Variants in ZNF717 observed in about 807,000 individuals in gnomAD.
The protein encoded by ZNF717 is krueppel-like factor X17.
ZNF717 carries 9 observed loss-of-function variants against 13.8 expected under a neutral mutation model. The ratio of observed to expected loss-of-function variants is 0.65; its 90% CI spans 0.39 to 1.14. ZNF717 has a LOEUF of 1.14. ZNF717 is among the 50% of genes most tolerant of loss of function. The pLI is 0.01. For synonymous variants in ZNF717, 327 were observed against 364.1 expected, an observed-to-expected ratio of 0.90 and a Z score of 1.16; for missense variants, 1,040 against 1,080.7, an observed-to-expected ratio of 0.96 and a Z score of 0.53.
chr3:75,726,710 A>G (rs1407126463), downstream of ZNF717, among the ~76,000 whole-genome samples: 1 of 152,280 alleles, frequency 6.6e-6, no homozygotes, highest in African/African-American at 2.4e-5. Context: ...GGAACTGATT[A>G]TGCAGTGATT....
At chr3:75,722,803 C>CAAAAAAAAAAAA (rs146853808) in intron 4 of ZNF717, among the ~76,000 whole-genome samples, 1 of 98,868 alleles carries the variant, frequency 1.0e-5, no homozygotes, top group African/African-American at 4.8e-5. Flanking sequence ...AACTCCATCT[C>CAAAAAAAAAAAA]AAAAAAAAAA....
downstream of ZNF717, among the ~76,000 whole-genome samples, chr3:75,709,419 C>A (rs79057659): frequency 6.6e-6 from 1 of 152,152 alleles, no homozygotes; most frequent in African/African-American, 2.4e-5. Context: ...TGTCCCCAGG[C>A]CCCACCTCCA....
rs544075559 is a variant in ZNF717, at chr3:75,756,831, C to G, written c.58-15095G>C. Reference sequence around the variant, plus strand: ...CTGGGATTACGGGCATGCGCCACCACGCCCGGCTAATGTTTTGTATTTTTA... The same window carrying G: ...CTGGGATTACGGGCATGCGCCACCAGGCCCGGCTAATGTTTTGTATTTTTA... On this transcript the variant is annotated intron_variant, in intron 2 of 4. Coordinates refer to ENST00000652011, the MANE Select transcript of ZNF717 (RefSeq NM_001290208.3). 5.9e-5 allele frequency among the ~76,000 whole-genome samples: 9 copies of G among 152,156 alleles called. No individual in the cohort carries two copies. The East Asian group carries it at 1.2e-3, about 20-fold the overall frequency.
intron 4 of ZNF717, among the ~76,000 whole-genome samples, chr3:75,740,501 G>C (rs1424723509): frequency 6.6e-6 from 1 of 151,460 alleles, no homozygotes; most frequent in Non-Finnish European, 1.5e-5. Context: ...CTGAGCTCAA[G>C]CAATCCTTCC....
At chr3:75,717,931 C>T (rs112785786) in intron 4 of ZNF717, among the ~76,000 whole-genome samples, 1 of 152,172 alleles carries the variant, frequency 6.6e-6, no homozygotes, top group African/African-American at 2.4e-5. Flanking sequence ...AGGAGCAGAA[C>T]TTAAGACAAA....
At chr3:75,785,337 A>ACCCCACGCCTGTCCTCCCAGCC (rs1945085818) in intron 1 of ZNF717, 47 bp downstream of exon 1, 1 of 153,052 alleles carries the variant, frequency 6.5e-6, no homozygotes, top group Non-Finnish European at 1.5e-5. Flanking sequence ...CACTGCCGGG[A>ACCCCACGCCTGTCCTCCCAGCC]CCCCACGCCT....
At chr3:75,783,514 A>G (rs1944959759) in intron 1 of ZNF717, 150 bp from the exon 2 acceptor site, 2 of 603,424 alleles carry the variant, frequency 3.3e-6, no homozygotes, top group Non-Finnish European at 5.9e-6. Flanking sequence ...AGAGTCCTTC[A>G]AGCCTCATTA....
At chr3:75,735,856 T>A (rs1351932411), downstream of ZNF717, 59 of 152,242 alleles carry the variant, frequency 3.9e-4, no homozygotes, top group African/African-American at 1.4e-3. Context: ...CCCATCAAAA[T>A]AGAGGCACAT....
At chr3:75,780,210 C>T (rs1439753746) in intron 2 of ZNF717, among the ~76,000 whole-genome samples, 1 of 152,062 alleles carries the variant, frequency 6.6e-6, no homozygotes, top group Middle Eastern at 3.4e-3. Flanking sequence ...CGTGCTAAAA[C>T]CGGAACCCAA....
At chr3:75,704,364 C>T (rs1165434107) in intron 6 of ZNF717, among the ~76,000 whole-genome samples, 3 of 152,298 alleles carry the variant, frequency 2.0e-5, no homozygotes, top group African/African-American at 4.8e-5. Context: ...CATGAAGGGA[C>T]GCCAAGACAA....
chr3:75,699,087 C>T (rs909440861), intron 6 of ZNF717, among the ~76,000 whole-genome samples: 629 of 143,478 alleles, frequency 4.4e-3, no homozygotes, highest in Middle Eastern at 0.019. Flanking sequence ...TTCATGGGTC[C>T]TGTGGTCCAT....
At chr3:75,770,054 T>A (rs1943770391) in intron 2 of ZNF717, among the ~76,000 whole-genome samples, 1 of 152,206 alleles carries the variant, frequency 6.6e-6, no homozygotes, top group South Asian at 2.1e-4. Flanking sequence ...TCCCACTAAC[T>A]CCTGAATGCT....
At chr3:75,707,606 G>A (rs1463784693), downstream of ZNF717, among the ~76,000 whole-genome samples, 7 of 152,354 alleles carry the variant, frequency 4.6e-5, no homozygotes, top group East Asian at 1.4e-3. Flanking sequence ...GTGGGTGCAG[G>A]ACAGTGGGTG....
rs1451870713 is a variant in ZNF717 at position 75,710,734 on chromosome 3, C to G, written n.1250G>C. On this transcript the variant is annotated non_coding_transcript_exon_variant, in exon 6 of 6. Coordinates refer to the ZNF717 transcript ENST00000491507. ...AGCTCATAGGGCTTTAGTAACAGAGCAGCTTTTGCCTTTAGTTGGAGAGTT... is the reference window on the plus strand; with the variant it reads ...AGCTCATAGGGCTTTAGTAACAGAGGAGCTTTTGCCTTTAGTTGGAGAGTT... 9 of 152,144 alleles carry G rather than the reference C, an allele frequency of 5.9e-5. No homozygotes were observed. In the East Asian group the frequency reaches 1.5e-3, roughly 26 times the overall value. The allele number at this position is 152,144 out of a possible 1,614,324, so 9.4% of individuals were successfully genotyped here.
At position 75,737,800 on chromosome 3, in the gene ZNF717, A is replaced by G. The variant is rs745352079; in HGVS notation, c.1823T>C (p.Ile608Thr). 1.3e-6 allele frequency: 2 copies of G among 1,551,672 alleles called. No homozygotes were observed. The highest frequency in any genetic ancestry group is 1.2e-5 in the South Asian group (1 of 83,992). ...TTCCCCTGTGTGAGTTCTCTTGTGT[A>G]TCCCAAGGTTTAACTTATTGATAAA... ...KTFINKLNLGIHKRTHTGERP... is the reference protein window; with the variant it reads ...KTFINKLNLGTHKRTHTGERP... The change falls in exon 5 of 5, where the codon ATA becomes ACA. Residue 608 changes from isoleucine (I) to threonine (T), a missense_variant. Transcript: ENST00000652011.
chr3:75,775,502 CATGG>C (rs927775491), intron 2 of ZNF717, among the ~76,000 whole-genome samples: 2 of 152,196 alleles, frequency 1.3e-5, no homozygotes, highest in African/African-American at 4.8e-5. Flanking sequence ...ACTTGAATAT[CATGG>C]GTAAATATTC....
downstream of ZNF717, among the ~76,000 whole-genome samples, chr3:75,706,504 G>A (rs1263034660): frequency 2.7e-4 from 41 of 151,010 alleles, no homozygotes; most frequent in Non-Finnish European, 3.3e-4. Flanking sequence ...CACTTCAGAG[G>A]CAGCCCCTGG....
chr3:75,712,110 A>T (rs1432529452), intron 5 of ZNF717, among the ~76,000 whole-genome samples: 1 of 152,270 alleles, frequency 6.6e-6, no homozygotes, highest in Non-Finnish European at 1.5e-5. Flanking sequence ...AAGTTACAAG[A>T]GTTGACAAAA....
At chr3:75,745,942 T>C (rs369591915) in intron 2 of ZNF717, among the ~76,000 whole-genome samples, 6 of 152,290 alleles carry the variant, frequency 3.9e-5, no homozygotes, top group African/African-American at 9.6e-5. Context: ...CTTACATATG[T>C]ATACGTGTGC....
Sources: allele counts gnomAD v4.1 joint callset (sites outside exome capture counted in the v4.1 genomes callset), GRCh38; gene constraint gnomAD v4.1.1; transcripts MANE v1.5; gene names NCBI Gene and HGNC (gene_info 2026-07-23, HGNC 2026-07-21).